ROBO1: variants seen among roughly 807,000 people sequenced by gnomAD.
ROBO1 encodes roundabout homolog 1.
A neutral mutation model predicts 195.9 loss-of-function variants in ROBO1; 149 were observed. The observed-to-expected ratio is 0.76, with a 90% confidence interval of 0.67 to 0.87. ROBO1 has a LOEUF of 0.87. Ranked by LOEUF, ROBO1 falls within the 40% of genes least tolerant of loss-of-function variation. The pLI is 0.00. For synonymous variants in ROBO1, 816 were observed against 733.2 expected, an observed-to-expected ratio of 1.11 and a Z score of -1.82; for missense variants, 1,933 against 2,068.3, an observed-to-expected ratio of 0.93 and a Z score of 1.27.
At position 78,711,325 on chromosome 3, in the gene ROBO1, CTCCT is replaced by C. The variant is rs147537177; in HGVS notation, c.1045+3068_1045+3071del. 5.7e-3 allele frequency among the ~76,000 whole-genome samples: 593 copies of C among 104,286 alleles called. 6 individuals carry two copies. Among genetic ancestry groups the C allele is most frequent in the East Asian group, 0.014 (28 of 2,028 alleles). The allele number at this position is 104,286 out of a possible 152,430, so 68.4% of individuals were successfully genotyped here. ...TTTCTTTCTTTCTTTCTCTCTCTCTCTCCTTCCTTCCTTCCTTCCTTCCTCCTTC... is the reference window on the plus strand; with the variant it reads ...TTTCTTTCTTTCTTTCTCTCTCTCTCTCCTTCCTTCCTTCCTTCCTCCTTC... On this transcript the variant is annotated intron_variant, in intron 8 of 30. Coordinates refer to ENST00000464233, the MANE Select transcript of ROBO1 (RefSeq NM_002941.4).
chr3:79,264,114 A>T (rs997619775), intron 2 of ROBO1, among the ~76,000 whole-genome samples: 2 of 152,012 alleles, frequency 1.3e-5, no homozygotes, highest in Non-Finnish European at 2.9e-5. Flanking sequence ...ACATCAGATG[A>T]TGTTAGTCCA....
intron 2 of ROBO1, among the ~76,000 whole-genome samples, chr3:79,260,003 A>C (rs1308767355): frequency 6.6e-6 from 1 of 152,072 alleles, no homozygotes; most frequent in African/African-American, 2.4e-5. Flanking sequence ...ATCAAGTTTT[A>C]AAGAAATGTT....
chr3:79,651,535 C>T (rs541746623), intron 1 of ROBO1, among the ~76,000 whole-genome samples: 1 of 151,886 alleles, frequency 6.6e-6, no homozygotes, highest in Non-Finnish European at 1.5e-5. Context: ...ACTTGAAAAC[C>T]CTCTTCCCCA....
chr3:78,750,972 G>T (rs979798287), intron 4 of ROBO1, among the ~76,000 whole-genome samples: 7 of 152,094 alleles, frequency 4.6e-5, no homozygotes, highest in African/African-American at 1.7e-4. Context: ...CGTGACTATT[G>T]TAATGTAAAA....
chr3:79,524,226 T>G (rs1387574452), intron 2 of ROBO1, among the ~76,000 whole-genome samples: 1 of 151,894 alleles, frequency 6.6e-6, no homozygotes, highest in Non-Finnish European at 1.5e-5. Flanking sequence ...ATTTAGAAAT[T>G]TTTAATAATA....
chr3:78,690,114 A>C (rs1372685855), intron 8 of ROBO1, among the ~76,000 whole-genome samples: 1 of 141,866 alleles, frequency 7.0e-6, no homozygotes, highest in Non-Finnish European at 1.5e-5. Context: ...ATAAAGAAAT[A>C]TTAAAAGCTA....
chr3:79,582,900 A>C (rs1943703810), intron 2 of ROBO1, among the ~76,000 whole-genome samples: 1 of 151,816 alleles, frequency 6.6e-6, no homozygotes. Flanking sequence ...ACCTTGTAAA[A>C]CTCCTAAAGC....
chr3:79,610,390 C>T (rs1394322364), intron 1 of ROBO1, among the ~76,000 whole-genome samples: 10 of 151,892 alleles, frequency 6.6e-5, no homozygotes, highest in Non-Finnish European at 1.5e-4. Context: ...CTCCCTCTCT[C>T]TCTCAAATTA....
intron 2 of ROBO1, among the ~76,000 whole-genome samples, chr3:79,193,184 C>T (rs2081571855): frequency 1.3e-5 from 2 of 151,512 alleles, no homozygotes; most frequent in Non-Finnish European, 3.0e-5. Flanking sequence ...GTCTGTGAGA[C>T]ATAAAAGTAG....
At chr3:79,351,476 A>AT (rs1470692395) in intron 2 of ROBO1, among the ~76,000 whole-genome samples, 2 of 151,934 alleles carry the variant, frequency 1.3e-5, no homozygotes, top group South Asian at 2.1e-4. Flanking sequence ...TAGCAAAGTC[A>AT]TTTTTTTTGT....
At chr3:79,194,383 G>A (rs760854559) in intron 2 of ROBO1, among the ~76,000 whole-genome samples, 77 of 151,606 alleles carry the variant, frequency 5.1e-4, no homozygotes, top group Admixed American at 1.1e-3. Flanking sequence ...TTTATTGGTG[G>A]TGAAAGTTAC....
At chr3:79,238,277 T>A (rs1231842117) in intron 2 of ROBO1, among the ~76,000 whole-genome samples, 1 of 152,202 alleles carries the variant, frequency 6.6e-6, no homozygotes, top group Non-Finnish European at 1.5e-5. Context: ...TTTAACTGTA[T>A]AATAGAAAGG....
chr3:79,001,238 T>C (rs1052793038), intron 3 of ROBO1, among the ~76,000 whole-genome samples: 1 of 152,056 alleles, frequency 6.6e-6, no homozygotes, highest in African/African-American at 2.4e-5. Flanking sequence ...TGTATACCTA[T>C]GTAACAAACC....
intron 25 of ROBO1, among the ~76,000 whole-genome samples, chr3:78,630,007 G>T (rs57507909): frequency 0.047 from 7,137 of 152,246 alleles, 207 homozygotes; most frequent in African/African-American, 0.068. Flanking sequence ...GCCCTCAAAA[G>T]AAGTGCTGAA....
At chr3:79,616,148 A>G (rs1461439988) in intron 1 of ROBO1, among the ~76,000 whole-genome samples, 2 of 152,124 alleles carry the variant, frequency 1.3e-5, no homozygotes, top group African/African-American at 4.8e-5. Context: ...AGAGCAGAGC[A>G]TCAGGTGGTC....
intron 3 of ROBO1, among the ~76,000 whole-genome samples, chr3:79,046,973 G>A (rs2078606921): frequency 6.6e-6 from 1 of 152,120 alleles, no homozygotes. Flanking sequence ...ACAGAGTTCG[G>A]CATCTAGAAG....
chr3:79,530,249 C>T (rs896381503), intron 2 of ROBO1, among the ~76,000 whole-genome samples: 4 of 151,912 alleles, frequency 2.6e-5, no homozygotes, highest in African/African-American at 9.7e-5. Context: ...TTTTTTGGTT[C>T]TAATTTTATA....
intron 2 of ROBO1, among the ~76,000 whole-genome samples, chr3:79,187,185 CAGA>C (rs1218693819): frequency 6.6e-6 from 1 of 151,930 alleles, no homozygotes; most frequent in African/African-American, 2.4e-5. Context: ...CCAGAGAGGT[CAGA>C]AGAAGAGGTA....
rs1012704899 is a variant in ROBO1, at chr3:78,849,199, G to T, written c.499+89402C>A. 3.9e-5 allele frequency among the ~76,000 whole-genome samples: 6 copies of T among 152,278 alleles called. No individual in the cohort carries two copies. The South Asian group carries it at 1.0e-3, about 26-fold the overall frequency. ...GTGTTTTAGATCTTCTAGTGGGCAT[G>T]ATGGGTGGGCAATTCCGTGGAGCAA... On this transcript the variant is annotated intron_variant, in intron 4 of 30. Coordinates refer to ENST00000464233, the MANE Select transcript of ROBO1 (RefSeq NM_002941.4).
Sources: allele counts gnomAD v4.1 joint callset (sites outside exome capture counted in the v4.1 genomes callset), GRCh38; gene constraint gnomAD v4.1.1; transcripts MANE v1.5; gene names NCBI Gene and HGNC (gene_info 2026-07-23, HGNC 2026-07-21).